The following CBLB variants were observed in gnomAD, a reference collection of about 807,000 sequenced individuals.
CBLB encodes E3 ubiquitin-protein ligase CBL-B.
A neutral mutation model predicts 104.9 loss-of-function variants in CBLB; 31 were observed. The ratio of observed to expected loss-of-function variants is 0.30; its 90% confidence interval spans 0.22 to 0.40. The LOEUF is 0.40. CBLB is among the 10% of genes least tolerant of loss of function. CBLB has a pLI of 1.00. For missense variants in CBLB, 1,062 were observed against 1,214.6 expected, an observed-to-expected ratio of 0.87 and a Z score of 1.87; for synonymous variants, 440 against 422.6, an observed-to-expected ratio of 1.04 and a Z score of -0.51.
rs771930099 is a variant in CBLB, at chr3:105,665,666, T to C, written c.2689+4567A>G. ...ATATACATTATTAAATAAAATAACA[T>C]GAATATTTATATTTTACTGCATAAC... is the stretch of plus-strand genomic sequence containing the variant. On this transcript the variant is annotated intron_variant, in intron 18 of 18. Coordinates refer to ENST00000394030, the MANE Select transcript of CBLB (RefSeq NM_170662.5). Among the ~76,000 whole-genome samples the C allele has an allele frequency of 1.5e-3, 225 of 147,948 alleles. 1 individual carries two copies. Among genetic ancestry groups the C allele is most frequent in the Non-Finnish European group, 2.4e-3 (158 of 67,152 alleles).
chr3:105,659,332 T>C (rs1313722871), intron 18 of CBLB, 103 bp from the exon 19 acceptor site: 3 of 1,214,088 alleles, frequency 2.5e-6, no homozygotes, highest in Non-Finnish European at 3.6e-6. Context: ...ATATTATTTC[T>C]TGTTTTCTTT....
At chr3:105,829,762 A>G (rs1226997094) in intron 3 of CBLB, among the ~76,000 whole-genome samples, 4 of 134,274 alleles carry the variant, frequency 3.0e-5, no homozygotes, top group African/African-American at 5.5e-5. Flanking sequence ...AAATTTTTCT[A>G]TTTTTCTTCT....
chr3:105,658,916 A>G lies in CBLB; in HGVS notation c.*54T>C, dbSNP rs1388534510. 5.0e-5 allele frequency: 79 copies of G among 1,583,782 alleles called. No individual in the cohort carries two copies. The South Asian group carries it at 6.4e-4, about 13-fold the overall frequency. On this transcript the variant is annotated 3_prime_UTR_variant, in exon 19 of 19. Transcript: ENST00000394030. ...TTCCATCTCAGTTCTCTTTATTTCC[A>G]CACTCTTGGAATACATCGATTGCTT...
intron 18 of CBLB, among the ~76,000 whole-genome samples, chr3:105,667,505 G>C (rs1032491879): frequency 2.0e-5 from 3 of 151,980 alleles, no homozygotes; most frequent in Admixed American, 1.3e-4. Flanking sequence ...ATTTAACATG[G>C]GCTGGTAAGC....
chr3:105,846,402 A>G (rs1213251845), intron 3 of CBLB, among the ~76,000 whole-genome samples: 2 of 152,102 alleles, frequency 1.3e-5, no homozygotes, highest in African/African-American at 4.8e-5. Context: ...TATAAAAGAC[A>G]AACCTTCTTA....
intron 3 of CBLB, among the ~76,000 whole-genome samples, chr3:105,825,414 G>A (rs2086441420): frequency 6.6e-6 from 1 of 152,088 alleles, no homozygotes; most frequent in Non-Finnish European, 1.5e-5. Flanking sequence ...GAAGCGGAGA[G>A]GAAAGTAAAA....
chr3:105,829,665 CCAAA>C (rs2087138664), intron 3 of CBLB, among the ~76,000 whole-genome samples: 1 of 66,386 alleles, frequency 1.5e-5, no homozygotes, highest in Non-Finnish European at 2.7e-5. Context: ...CAAGACCGTC[CCAAA>C]AAAAAAAAAA....
At chr3:105,734,768 C>T (rs568933014) in intron 8 of CBLB, among the ~76,000 whole-genome samples, 1 of 152,202 alleles carries the variant, frequency 6.6e-6, no homozygotes, top group East Asian at 1.9e-4. Context: ...CTAAATTAAG[C>T]CTCTGACTAA....
At chr3:105,786,067 G>GGGGC (rs1427686349) in intron 3 of CBLB, among the ~76,000 whole-genome samples, 2 of 102,780 alleles carry the variant, frequency 1.9e-5, no homozygotes, top group South Asian at 3.0e-4. Context: ...GGATCGGGGG[G>GGGGC]GGGAAAGTGG....
At chr3:105,782,018 G>A (rs1176081757) in intron 3 of CBLB, among the ~76,000 whole-genome samples, 1 of 152,164 alleles carries the variant, frequency 6.6e-6, no homozygotes, top group Non-Finnish European at 1.5e-5. Context: ...TCCAAAATGG[G>A]TTCAGAGACT....
Position 105,768,828 on chromosome 3 carries a change from T to C in CBLB, c.566+7568A>G, listed in dbSNP as rs569307957. Reference sequence around the variant, plus strand: ...AGAAAAACTCAGAAAAGTGGACTTATGAACTGAACTTAAAGAAAGGTGTCA... The same window carrying C: ...AGAAAAACTCAGAAAAGTGGACTTACGAACTGAACTTAAAGAAAGGTGTCA... On this transcript the variant is annotated intron_variant, in intron 4 of 18. Transcript: ENST00000394030. 1.7e-3 allele frequency among the ~76,000 whole-genome samples: 257 copies of C among 152,234 alleles called. 2 individuals carry two copies. Among genetic ancestry groups the C allele is most frequent in the African/African-American group, 5.9e-3 (244 of 41,534 alleles).
At chr3:105,836,940 T>C (rs1309568994) in intron 3 of CBLB, among the ~76,000 whole-genome samples, 3 of 145,254 alleles carry the variant, frequency 2.1e-5, no homozygotes, top group Non-Finnish European at 3.0e-5. Flanking sequence ...TCAAAGCTGA[T>C]ATGCTCACAT....
rs1280189119 is a variant in CBLB, at chr3:105,836,950, TCAAAA to T, written c.419+16459_419+16463del. On this transcript the variant is annotated intron_variant, in intron 3 of 18. Coordinates refer to ENST00000394030, the MANE Select transcript of CBLB (RefSeq NM_170662.5). ...GTCCCTCAAAGCTGATATGCTCACA[TCAAAA>T]CAAAACAAGACCAAAAAAAAAAAAA... 5.9e-5 allele frequency among the ~76,000 whole-genome samples: 7 copies of T among 118,568 alleles called. No homozygotes were observed. In the South Asian group the frequency reaches 1.2e-3, roughly 21 times the overall value. The allele number at this position is 118,568 out of a possible 152,430, so 77.8% of individuals were successfully genotyped here. A position where few individuals can be genotyped will look rare whatever the true frequency, so the allele number is the denominator to read the frequency against.
chr3:105,692,742 A>ACTCT (rs2067864921), intron 13 of CBLB, among the ~76,000 whole-genome samples: 1 of 151,826 alleles, frequency 6.6e-6, no homozygotes, highest in Non-Finnish European at 1.5e-5. Context: ...AGTTAAATTA[A>ACTCT]ATGAACTCAG....
At chr3:105,846,012 G>C (rs2090196825) in intron 3 of CBLB, among the ~76,000 whole-genome samples, 1 of 151,816 alleles carries the variant, frequency 6.6e-6, no homozygotes, top group South Asian at 2.1e-4. Context: ...CTGAATCCAA[G>C]ATAAAAATTA....
intron 10 of CBLB, among the ~76,000 whole-genome samples, chr3:105,706,622 C>G (rs886893215): frequency 3.3e-5 from 5 of 152,152 alleles, no homozygotes; most frequent in African/African-American, 1.2e-4. Context: ...GCAATTGTCA[C>G]AGGACATCTA....
At chr3:105,661,481 C>G (rs2063784692) in intron 18 of CBLB, among the ~76,000 whole-genome samples, 1 of 152,072 alleles carries the variant, frequency 6.6e-6, no homozygotes, top group Non-Finnish European at 1.5e-5. Flanking sequence ...TTCTGAGACA[C>G]TTTTAGATGA....
intron 4 of CBLB, among the ~76,000 whole-genome samples, chr3:105,758,676 C>A (rs1278782677): frequency 6.6e-6 from 1 of 152,282 alleles, no homozygotes; most frequent in African/African-American, 2.4e-5. Flanking sequence ...CAGCCAAGCA[C>A]ACTGGCTGCT....
intron 6 of CBLB, among the ~76,000 whole-genome samples, chr3:105,745,160 G>A (rs765827661): frequency 4.6e-5 from 7 of 152,112 alleles, no homozygotes; most frequent in African/African-American, 1.7e-4. Context: ...CCCTACTGCC[G>A]TACTCAGCAT....
Sources: allele counts gnomAD v4.1 joint callset (sites outside exome capture counted in the v4.1 genomes callset), GRCh38; gene constraint gnomAD v4.1.1; transcripts MANE v1.5; gene names NCBI Gene and HGNC (gene_info 2026-07-23, HGNC 2026-07-21).